The following TMEM131 variants were observed in gnomAD, a reference collection of about 807,000 sequenced individuals.
TMEM131 encodes transmembrane protein 131.
In TMEM131, 66 loss-of-function variants were observed where a neutral mutation model predicts 211.6. The ratio of observed to expected loss-of-function variants is 0.31; its 90% CI spans 0.26 to 0.38. The LOEUF (loss-of-function observed/expected upper bound fraction) is 0.38, where lower values mean the gene tolerates loss of function less well. TMEM131 is among the 10% of genes least tolerant of loss of function. TMEM131 has a pLI of 1.00. For missense variants in TMEM131, 2,036 were observed against 2,299.3 expected, an observed-to-expected ratio of 0.89 and a Z score of 2.34; for synonymous variants, 844 against 841.3, an observed-to-expected ratio of 1.00 and a Z score of -0.06.
rs199691225 is a variant in TMEM131 at position 97,757,299 on chromosome 2, G to A, written c.5452C>T (p.Pro1818Ser). The change falls in exon 41 of 41, where the codon CCC (proline) becomes TCC (serine). Residue 1818 changes from proline (P) to serine (S), a missense_variant. Around this residue, in one of 3 missense-constraint regions of TMEM131, gnomAD observed 1,623 missense variants for 1,805.9 expected, o/e 0.90. Coordinates refer to ENST00000186436, the MANE Select transcript of TMEM131 (RefSeq NM_015348.2). ...IWSSNLSSAL[P>S]FTTPANTLAS... ...AGCGTGTTTGCTGGAGTGGTGAAGGGAAGGGCGCTGCTAAGGTTGCTGGAC... is the reference window on the plus strand; with the variant it reads ...AGCGTGTTTGCTGGAGTGGTGAAGGAAAGGGCGCTGCTAAGGTTGCTGGAC... 1.7e-4 allele frequency: 274 copies of A among 1,613,948 alleles called. 2 individuals carry two copies. The South Asian group carries it at 2.6e-3, about 16-fold the overall frequency.
At chr2:97,977,353 T>C (rs918376934) in intron 1 of TMEM131, among the ~76,000 whole-genome samples, 6 of 152,138 alleles carry the variant, frequency 3.9e-5, no homozygotes, top group Admixed American at 1.3e-4. Context: ...GCAAAAGATG[T>C]GAAAAGACAC....
chr2:97,880,250 T>A (rs1341871297), intron 4 of TMEM131, among the ~76,000 whole-genome samples: 1 of 152,078 alleles, frequency 6.6e-6, no homozygotes, highest in Non-Finnish European at 1.5e-5. Flanking sequence ...GGAGGACATA[T>A]AAGGAAGGTA....
At position 97,766,474 on chromosome 2, in the gene TMEM131, A is replaced by G. The variant is rs1679173066; in HGVS notation, c.4573+4T>C. On this transcript the variant is annotated splice_donor_region_variant and intron_variant, in intron 34 of 40. Transcript: ENST00000186436. The stretch of plus-strand genomic sequence containing the variant: ...CATGATCATAGAGAACAAGATGACA[A>G]TACCTTTTGTTTTCTGGGCATTTCG... The G allele has an allele frequency of 6.2e-7, 1 of 1,613,962 alleles. No individual in the cohort carries two copies. The highest frequency in any genetic ancestry group is 8.5e-7 in the Non-Finnish European group (1 of 1,179,884).
At chr2:97,948,084 G>T (rs1322075253) in intron 1 of TMEM131, among the ~76,000 whole-genome samples, 1 of 152,032 alleles carries the variant, frequency 6.6e-6, no homozygotes, top group Non-Finnish European at 1.5e-5. Context: ...AAAGTTCCTA[G>T]AAATCAACAC....
chr2:97,867,038 G>C (rs7575922), intron 4 of TMEM131, among the ~76,000 whole-genome samples: 11,137 of 152,246 alleles, frequency 0.073, 481 homozygotes, highest in Middle Eastern at 0.12. Flanking sequence ...TGGATTTTCA[G>C]ATTAGGAATG....
chr2:97,899,236 T>C lies in TMEM131; in HGVS notation c.290+9422A>G, dbSNP rs185095931. On this transcript the variant is annotated intron_variant, in intron 3 of 40. Coordinates refer to ENST00000186436, the MANE Select transcript of TMEM131 (RefSeq NM_015348.2). ...ACCATCCCAGCATTTTAAAGATTAG[T>C]GTTTACTTGTTTTCCTAGGTCTTTT... Among the ~76,000 whole-genome samples the C allele has an allele frequency of 6.6e-5, 10 of 152,302 alleles. No individual in the cohort carries two copies. In the East Asian group the frequency reaches 1.7e-3, roughly 26 times the overall value.
At chr2:97,773,124 T>G (rs1679543190) in intron 32 of TMEM131, among the ~76,000 whole-genome samples, 1 of 152,200 alleles carries the variant, frequency 6.6e-6, no homozygotes, top group African/African-American at 2.4e-5. Context: ...CACCCCATCC[T>G]GAGCACAACT....
chr2:97,964,385 CTCT>C (rs1440306391), intron 1 of TMEM131, among the ~76,000 whole-genome samples: 1 of 152,210 alleles, frequency 6.6e-6, no homozygotes, highest in Non-Finnish European at 1.5e-5. Flanking sequence ...CACATACCTC[CTCT>C]TTAGAGTAAA....
intron 11 of TMEM131, among the ~76,000 whole-genome samples, chr2:97,832,027 G>A (rs1364062707): frequency 7.7e-3 from 312 of 40,382 alleles, no homozygotes; most frequent in African/African-American, 0.011. Flanking sequence ...AAAAAAAAAA[G>A]CAGCTCTAAC....
chr2:97,980,188 T>C (rs938357472), intron 1 of TMEM131, among the ~76,000 whole-genome samples: 1 of 152,140 alleles, frequency 6.6e-6, no homozygotes, highest in Admixed American at 6.5e-5. Flanking sequence ...CCATTACAGA[T>C]TTAATACTGA....
chr2:97,782,781 A>G (rs1347598920), intron 31 of TMEM131, among the ~76,000 whole-genome samples: 1 of 152,146 alleles, frequency 6.6e-6, no homozygotes, highest in Admixed American at 6.5e-5. Context: ...ATTAGGAATT[A>G]TGAGAGAAAA....
In TMEM131 at chr2:97,784,598, G is replaced by A. The variant is rs1185778427; in HGVS notation, c.4144+7788C>T. On this transcript the variant is annotated intron_variant, in intron 31 of 40. Coordinates refer to ENST00000186436, the MANE Select transcript of TMEM131 (RefSeq NM_015348.2). ...TCAAAATTTGTGGGACATCAATAAA[G>A]CAGGGGTGAGGAGGAAATTTATAGC... 2.0e-5 allele frequency among the ~76,000 whole-genome samples: 3 copies of A among 152,046 alleles called. No homozygotes were observed. In the East Asian group the frequency reaches 5.8e-4, roughly 29 times the overall value.
Position 97,762,137 on chromosome 2 carries a change from C to T in TMEM131, c.4787G>A (p.Arg1596His), listed in dbSNP as rs201664377. ...TLNADIFLKQ[R>H]QTSPTPASPS... is the part of the protein sequence containing the mutation. The stretch of plus-strand genomic sequence containing the variant: ...GGAAGCAGGTGTCGGTGAGGTCTGG[C>T]GTTGTTTTAAGAAAATGTCTGCGTT... The change falls in exon 36 of 41, where the codon CGC becomes CAC. Residue 1596 changes from arginine (R) to histidine (H), a missense_variant. Arg to His is a conservative substitution (Grantham distance 29, BLOSUM62 0). Transcript: ENST00000186436. The T allele has an allele frequency of 7.3e-5, 118 of 1,613,536 alleles. No homozygotes were observed. The highest frequency in any genetic ancestry group is 9.3e-5 in the Non-Finnish European group (110 of 1,179,762).
intron 11 of TMEM131, chr2:97,827,472 T>G (rs1340895843): frequency 9.9e-7 from 1 of 1,012,472 alleles, no homozygotes; most frequent in African/African-American, 1.6e-5. Flanking sequence ...AAGATTTACC[T>G]GCAGAAAATG....
chr2:97,844,975 A>C (rs976652657), intron 5 of TMEM131, among the ~76,000 whole-genome samples: 2 of 152,118 alleles, frequency 1.3e-5, no homozygotes, highest in South Asian at 2.1e-4. Context: ...ATGATAGCTC[A>C]AAATACATGG....
In TMEM131 at chr2:97,928,661, C is replaced by T. The variant is rs374335007; in HGVS notation, c.188-1174G>A. Among the ~76,000 whole-genome samples, 10 of 151,872 alleles carry T rather than the reference C, an allele frequency of 6.6e-5. No individual in the cohort carries two copies. The South Asian group carries it at 8.3e-4, about 13-fold the overall frequency. On this transcript the variant is annotated intron_variant, in intron 1 of 40. Transcript: ENST00000186436. ...GACTAAAGGCAAAAGAAACCATACA[C>T]ACGCAATGTATTCTAGTTAATAATG...
At chr2:97,813,614 C>CGTATAT (rs1233448188) in intron 15 of TMEM131, among the ~76,000 whole-genome samples, 2 of 152,196 alleles carry the variant, frequency 1.3e-5, no homozygotes, top group African/African-American at 4.8e-5. Context: ...CTCTTCCCTA[C>CGTATAT]GTATATCCCT....
At chr2:97,850,871 G>T (rs1673596709) in intron 5 of TMEM131, among the ~76,000 whole-genome samples, 1 of 152,044 alleles carries the variant, frequency 6.6e-6, no homozygotes, top group South Asian at 2.1e-4. Context: ...GTTTTTATGA[G>T]AACTTAATTT....
chr2:97,814,019 A>T lies in TMEM131; in HGVS notation c.1569T>A (p.Asn523Lys). 6.2e-7 allele frequency: 1 copy of T among 1,600,592 alleles called. No homozygotes were observed. Among genetic ancestry groups the T allele is most frequent in the South Asian group, 1.1e-5 (1 of 89,074 alleles). Residue 523 changes from asparagine to lysine, a missense_variant, in exon 15 of 41, where the codon AAT (asparagine) becomes AAA (lysine). By Grantham distance (94) the Asn-to-Lys change is moderately conservative (BLOSUM62 0). This residue lies in a region of TMEM131 where 1,623 missense variants were observed against 1,805.9 expected (regional missense o/e 0.90). Transcript: ENST00000186436. ...HIDNNILLIT[N>K]ASKFHLPVRV... is the part of the protein sequence containing the mutation. The stretch of plus-strand genomic sequence containing the variant: ...GCACGGGTAAATGAAATTTAGAAGC[A>T]TTGGTAATAAGTAAAATGTTGTTAT...
Sources: allele counts gnomAD v4.1 joint callset (sites outside exome capture counted in the v4.1 genomes callset), GRCh38; gene constraint gnomAD v4.1.1; regional missense constraint gnomAD v4.1.1; transcripts MANE v1.5; gene names NCBI Gene and HGNC (gene_info 2026-07-23, HGNC 2026-07-21).